Variants in OSBPL6 observed in about 807,000 individuals in gnomAD.
OSBPL6 encodes the protein oxysterol binding protein like 6, also known as oxysterol-binding protein-related protein 6.
OSBPL6 carries 49 observed loss-of-function variants against 125.8 expected under a neutral mutation model. The observed-to-expected ratio is 0.39, with a 90% confidence interval of 0.31 to 0.49. The LOEUF is 0.49. OSBPL6 is among the 20% of genes least tolerant of loss of function. The pLI, the probability that OSBPL6 is intolerant of heterozygous loss-of-function variation, is 0.88. For synonymous variants in OSBPL6, 394 were observed against 391.8 expected, an observed-to-expected ratio of 1.01 and a Z score of -0.07; for missense variants, 986 against 1,135.4, an observed-to-expected ratio of 0.87 and a Z score of 1.89.
At chr2:178,299,791 G>A (rs334616) in intron 2 of OSBPL6, among the ~76,000 whole-genome samples, 55,476 of 152,012 alleles carry the variant, frequency 0.36, 10,301 homozygotes, top group African/African-American at 0.41. Flanking sequence ...TAAAAGATAT[G>A]ATTCCTTCTT....
intron 1 of OSBPL6, among the ~76,000 whole-genome samples, chr2:178,208,758 C>T (rs900352323): frequency 1.0e-4 from 1 of 9,586 alleles, no homozygotes; most frequent in Non-Finnish European, 6.4e-4. Flanking sequence ...CCCTCTTTCC[C>T]TCCTTCTGTC....
chr2:178,253,246 T>C (rs1192731526), intron 1 of OSBPL6, among the ~76,000 whole-genome samples: 1 of 152,142 alleles, frequency 6.6e-6, no homozygotes, highest in Non-Finnish European at 1.5e-5. Flanking sequence ...GGTCTCGAAC[T>C]CCTGACCTCA....
intron 1 of OSBPL6, among the ~76,000 whole-genome samples, chr2:178,197,885 G>T (rs1489621269): frequency 1.3e-5 from 2 of 152,192 alleles, no homozygotes; most frequent in Non-Finnish European, 2.9e-5. Flanking sequence ...AAGCCTACAA[G>T]ATATTAGTTG....
At chr2:178,364,526 AATCAGC>A (rs1322931947) in intron 13 of OSBPL6, among the ~76,000 whole-genome samples, 2 of 152,148 alleles carry the variant, frequency 1.3e-5, no homozygotes, top group African/African-American at 4.8e-5. Flanking sequence ...CAGGAGGGAG[AATCAGC>A]ATGGCTTGGA....
chr2:178,379,365 G>T (rs2154111953), intron 15 of OSBPL6, among the ~76,000 whole-genome samples: 1 of 140,010 alleles, frequency 7.1e-6, no homozygotes, highest in South Asian at 2.4e-4. Flanking sequence ...GGGAAGGAAG[G>T]AAAGGGAGGG....
At chr2:178,274,270 A>G (rs1446722499) in intron 1 of OSBPL6, among the ~76,000 whole-genome samples, 1 of 151,380 alleles carries the variant, frequency 6.6e-6, no homozygotes, top group Non-Finnish European at 1.5e-5. Flanking sequence ...TAACTAACTC[A>G]GTTGATTAAA....
intron 1 of OSBPL6, among the ~76,000 whole-genome samples, chr2:178,284,194 C>T (rs1189882922): frequency 6.6e-6 from 1 of 152,032 alleles, no homozygotes; most frequent in African/African-American, 2.4e-5. Flanking sequence ...GCGTTTTTTT[C>T]AGGGCATTAG....
chr2:178,287,709 C>A (rs747478480), intron 2 of OSBPL6, among the ~76,000 whole-genome samples: 10 of 151,546 alleles, frequency 6.6e-5, no homozygotes, highest in Non-Finnish European at 1.5e-4. Flanking sequence ...CCATCTACCC[C>A]CCACAAAAAA....
chr2:178,402,392 G>A lies in OSBPL6; in HGVS notation c.*6833G>A, dbSNP rs564339478. The stretch of plus-strand genomic sequence containing the variant: ...CACCTCACCTTCCATTCTCTCTTAG[G>A]CTTTGTCTATGTCTCTAAGGGGAGT... On this transcript the variant is annotated 3_prime_UTR_variant, in exon 25 of 25. Transcript: ENST00000190611. 1 of 152,208 alleles carries A rather than the reference G, an allele frequency of 6.6e-6. No homozygotes were observed. The highest frequency in any genetic ancestry group is 2.1e-4 in the South Asian group (1 of 4,822). The allele number at this position is 152,208 out of a possible 1,614,324, so 9.4% of individuals were successfully genotyped here.
Position 178,373,957 on chromosome 2 carries a change from T to A in OSBPL6, c.1463T>A (p.Met488Lys). The change falls in exon 15 of 25, where the codon ATG (methionine) becomes AAG (lysine). Residue 488 changes from methionine (M) to lysine (K), a missense_variant. By Grantham distance (95) the Met-to-Lys change is moderately conservative. This residue lies in a region of OSBPL6 where 843 missense variants were observed against 997.3 expected (regional missense o/e 0.85). Coordinates refer to ENST00000190611, the MANE Select transcript of OSBPL6 (RefSeq NM_032523.4). ...QQVANESRLSMSESVSEFFDA... is the reference protein window; with the variant it reads ...QQVANESRLSKSESVSEFFDA... ...GTAGCCAATGAGAGCCGCCTCTCCA[T>A]GTCAGAGTCTGTTTCTGAGTTCTTT... 6.2e-7 allele frequency: 1 copy of A among 1,614,172 alleles called. No homozygotes were observed. Among genetic ancestry groups the A allele is most frequent in the South Asian group, 1.1e-5 (1 of 91,088 alleles).
At chr2:178,318,773 C>T (rs1011831989) in intron 3 of OSBPL6, among the ~76,000 whole-genome samples, 22 of 152,184 alleles carry the variant, frequency 1.4e-4, no homozygotes, top group African/African-American at 4.1e-4. Flanking sequence ...ATGGAAGGCA[C>T]GGCTTCCTCA....
chr2:178,384,058 C>T lies in OSBPL6; in HGVS notation c.1895C>T (p.Ala632Val), dbSNP rs746370588. 1.9e-6 allele frequency: 3 copies of T among 1,613,832 alleles called. No individual in the cohort carries two copies. Among genetic ancestry groups the T allele is most frequent in the Non-Finnish European group, 2.5e-6 (3 of 1,179,736 alleles). The change falls in exon 18 of 25, where the codon GCA becomes GTA. Residue 632 changes from alanine (A) to valine (V), a missense_variant. Transcript: ENST00000190611. ...TAACAGGTTCTCGTTGCCGCATTTG[C>T]AGTTTCAGGATACTGCTCCACCTAT... ...YERMVLVAAF[A>V]VSGYCSTYFR...
At chr2:178,273,790 A>G (rs16866204) in intron 1 of OSBPL6, among the ~76,000 whole-genome samples, 1,770 of 152,282 alleles carry the variant, frequency 0.012, 32 homozygotes, top group African/African-American at 0.041. Flanking sequence ...GCATAACCAT[A>G]TCACTCAGAG....
chr2:178,238,247 A>C (rs1031206746), intron 1 of OSBPL6, among the ~76,000 whole-genome samples: 4 of 152,164 alleles, frequency 2.6e-5, no homozygotes, highest in African/African-American at 9.7e-5. Flanking sequence ...TCTCCATTCT[A>C]AGTAGCATAA....
At chr2:178,257,768 A>G (rs1359859681) in intron 1 of OSBPL6, among the ~76,000 whole-genome samples, 1 of 151,982 alleles carries the variant, frequency 6.6e-6, no homozygotes, top group Non-Finnish European at 1.5e-5. Context: ...AGAGGGAACT[A>G]AAGTTCTAGT....
chr2:178,203,141 C>G (rs994681818), intron 1 of OSBPL6, among the ~76,000 whole-genome samples: 7 of 152,120 alleles, frequency 4.6e-5, no homozygotes, highest in Non-Finnish European at 8.8e-5. Flanking sequence ...TTCTCTGTTT[C>G]ACTTTGGATA....
At chr2:178,298,706 GTT>G (rs760113201) in intron 2 of OSBPL6, among the ~76,000 whole-genome samples, 7 of 134,610 alleles carry the variant, frequency 5.2e-5, no homozygotes, top group Admixed American at 7.4e-5. Context: ...TTTTTTTTTT[GTT>G]TTTTTTTTTT....
At chr2:178,324,097 T>G (rs957739574) in intron 3 of OSBPL6, 80 bp from the exon 4 acceptor site, 3 of 877,434 alleles carry the variant, frequency 3.4e-6, no homozygotes, top group Non-Finnish European at 5.2e-6. Flanking sequence ...TTGACTGTGT[T>G]GTGTATGATT....
intron 2 of OSBPL6, among the ~76,000 whole-genome samples, chr2:178,291,647 A>G (rs1174229084): frequency 6.7e-6 from 1 of 149,290 alleles, no homozygotes; most frequent in African/African-American, 2.5e-5. Context: ...TTCATAGAAA[A>G]TATAGGAACA....
Sources: allele counts gnomAD v4.1 joint callset (sites outside exome capture counted in the v4.1 genomes callset), GRCh38; gene constraint gnomAD v4.1.1; regional missense constraint gnomAD v4.1.1; transcripts MANE v1.5; gene names NCBI Gene and HGNC (gene_info 2026-07-23, HGNC 2026-07-21).